DOCK2: variants seen among roughly 807,000 people sequenced by gnomAD.
The protein encoded by DOCK2 is dedicator of cytokinesis protein 2.
In DOCK2, 87 loss-of-function variants were observed where a neutral mutation model predicts 248.9. The ratio of observed to expected loss-of-function variants is 0.35; its 90% CI spans 0.29 to 0.42. The LOEUF is 0.42. Ranked by LOEUF, DOCK2 falls within the 10% of genes least tolerant of loss-of-function variation. The pLI, the probability that DOCK2 is intolerant of heterozygous loss-of-function variation, is 1.00. For synonymous variants in DOCK2, 805 were observed against 821.6 expected (o/e 0.98, Z 0.35); for missense variants, 1,747 against 2,300.2 (o/e 0.76, Z 4.92).
At chr5:169,726,720 C>T (rs1762493687) in intron 22 of DOCK2, among the ~76,000 whole-genome samples, 2 of 152,140 alleles carry the variant, frequency 1.3e-5, no homozygotes, top group South Asian at 4.1e-4. Context: ...CAAGTATTGG[C>T]AATGTAGTGG....
intron 25 of DOCK2, among the ~76,000 whole-genome samples, chr5:169,792,571 C>T (rs11749111): frequency 0.3 from 44,873 of 151,890 alleles, 7,846 homozygotes; most frequent in East Asian, 0.4. Context: ...CTCAGTGTCC[C>T]GAGTAGCTGG....
At chr5:169,735,747 G>A (rs1581116291) in intron 22 of DOCK2, among the ~76,000 whole-genome samples, 1 of 152,166 alleles carries the variant, frequency 6.6e-6, no homozygotes, top group Admixed American at 6.5e-5. Flanking sequence ...CCAAGTAAAA[G>A]CTGCCGGTAT....
chr5:170,017,203 C>G (rs575724771), intron 32 of DOCK2, among the ~76,000 whole-genome samples: 1 of 152,298 alleles, frequency 6.6e-6, no homozygotes, highest in East Asian at 1.9e-4. Context: ...TAATCGCAAG[C>G]AGCTGTGCCA....
intron 25 of DOCK2, among the ~76,000 whole-genome samples, chr5:169,765,704 G>C (rs1354549772): frequency 6.6e-6 from 1 of 152,220 alleles, no homozygotes; most frequent in Non-Finnish European, 1.5e-5. Context: ...CAGAAAGAGA[G>C]AGGGAAGAAG....
Position 169,883,659 on chromosome 5 carries a change from C to T in DOCK2, c.2799+42807C>T, listed in dbSNP as rs1033924671. 1.2e-5 allele frequency: 19 copies of T among 1,550,666 alleles called. No homozygotes were observed. The Admixed American group carries it at 2.4e-4, about 19-fold the overall frequency. Reference sequence around the variant, plus strand: ...CCTTCTGGGACCTGGGGAAGGAGAGCGAGTAGGTGGGGGGAAGATGGTGCC... The same window carrying T: ...CCTTCTGGGACCTGGGGAAGGAGAGTGAGTAGGTGGGGGGAAGATGGTGCC... On this transcript the variant is annotated intron_variant, in intron 27 of 51. Transcript: ENST00000520908.
chr5:169,683,513 G>T (rs1368429740), intron 7 of DOCK2, among the ~76,000 whole-genome samples: 1 of 152,134 alleles, frequency 6.6e-6, no homozygotes, highest in South Asian at 2.1e-4. Flanking sequence ...TTACAGGTGT[G>T]AGCCACCACG....
At chr5:169,901,207 G>A (rs981088713) in intron 27 of DOCK2, among the ~76,000 whole-genome samples, 1 of 152,262 alleles carries the variant, frequency 6.6e-6, no homozygotes, top group South Asian at 2.1e-4. Flanking sequence ...GGGTGTCCAG[G>A]CAAACGAACA....
At chr5:169,796,333 A>T (rs1766654237) in intron 25 of DOCK2, among the ~76,000 whole-genome samples, 1 of 152,116 alleles carries the variant, frequency 6.6e-6, no homozygotes, top group Non-Finnish European at 1.5e-5. Context: ...ATGTTTTATG[A>T]GTGATTCTTT....
At chr5:169,918,947 C>A in intron 27 of DOCK2, among the ~76,000 whole-genome samples, 1 of 151,746 alleles carries the variant, frequency 6.6e-6, no homozygotes, top group Admixed American at 6.6e-5. Context: ...ATTTTAGGGG[C>A]CAGATATATG....
intron 25 of DOCK2, among the ~76,000 whole-genome samples, chr5:169,767,338 C>T (rs1233865084): frequency 1.3e-5 from 2 of 152,140 alleles, no homozygotes; most frequent in Admixed American, 6.6e-5. Context: ...TTCTGTAGGT[C>T]GTCCATTTAC....
At chr5:169,725,008 G>T (rs1053059281) in intron 22 of DOCK2, among the ~76,000 whole-genome samples, 1 of 152,164 alleles carries the variant, frequency 6.6e-6, no homozygotes, top group Admixed American at 6.5e-5. Context: ...AGAGGTGCTT[G>T]CCAGTGTGAT....
chr5:169,935,787 A>G (rs952156578), intron 27 of DOCK2, among the ~76,000 whole-genome samples: 1 of 152,234 alleles, frequency 6.6e-6, no homozygotes, highest in African/African-American at 2.4e-5. Flanking sequence ...CGCGTTGTGT[A>G]AAAATATAAA....
At chr5:170,039,241 C>T (rs1343644297) in intron 36 of DOCK2, among the ~76,000 whole-genome samples, 1 of 152,196 alleles carries the variant, frequency 6.6e-6, no homozygotes, top group African/African-American at 2.4e-5. Flanking sequence ...CAACTCATCC[C>T]CTTCCCCTTC....
At chr5:169,863,712 C>T (rs757100616) in intron 27 of DOCK2, among the ~76,000 whole-genome samples, 9 of 152,234 alleles carry the variant, frequency 5.9e-5, no homozygotes, top group Non-Finnish European at 1.3e-4. Flanking sequence ...AAAAGGAAAA[C>T]AACCCAACAC....
At chr5:169,923,653 T>C (rs1775294182) in intron 27 of DOCK2, among the ~76,000 whole-genome samples, 1 of 152,232 alleles carries the variant, frequency 6.6e-6, no homozygotes, top group South Asian at 2.1e-4. Flanking sequence ...AAGGATAATA[T>C]TGCTTCAAAG....
At chr5:170,015,981 A>G (rs1755525996) in intron 32 of DOCK2, among the ~76,000 whole-genome samples, 1 of 150,302 alleles carries the variant, frequency 6.7e-6, no homozygotes, top group Non-Finnish European at 1.5e-5. Context: ...CAGTGCCCTC[A>G]GATCCTTTGC....
At position 170,072,599 on chromosome 5, in the gene DOCK2, A is replaced by G. The variant is rs144362272; in HGVS notation, c.4729-3348A>G. Among the ~76,000 whole-genome samples the G allele has an allele frequency of 3.2e-3, 483 of 152,314 alleles. 2 individuals are homozygous for G. Among genetic ancestry groups the G allele is most frequent in the African/African-American group, 0.011 (445 of 41,560 alleles). On this transcript the variant is annotated intron_variant, in intron 46 of 51. Transcript: ENST00000520908. ...ACATTTAACCTTACTGGACACAAGA[A>G]GCAGTTTTTCAAAGTGGCTAAATCA...
chr5:170,014,079 C>T (rs998489847), intron 32 of DOCK2, among the ~76,000 whole-genome samples: 1 of 152,092 alleles, frequency 6.6e-6, no homozygotes, highest in Non-Finnish European at 1.5e-5. Flanking sequence ...AGGACTATGT[C>T]AGGGCTGAAG....
At chr5:169,992,590 G>A (rs944852039) in intron 29 of DOCK2, among the ~76,000 whole-genome samples, 2 of 151,950 alleles carry the variant, frequency 1.3e-5, no homozygotes, top group Admixed American at 1.3e-4. Flanking sequence ...TCAGCCTCCC[G>A]AGTAGCTGGG....
Sources: allele counts gnomAD v4.1 joint callset (sites outside exome capture counted in the v4.1 genomes callset), GRCh38; gene constraint gnomAD v4.1.1; transcripts MANE v1.5; gene names NCBI Gene and HGNC (gene_info 2026-07-23, HGNC 2026-07-21).